CDK7: variants seen among roughly 807,000 people sequenced by gnomAD.
CDK7 encodes the protein cyclin-dependent kinase 7.
CDK7 carries 25 observed loss-of-function variants against 49.1 expected under a neutral mutation model. The ratio of observed to expected loss-of-function variants is 0.51; its 90% CI spans 0.37 to 0.71. The LOEUF (loss-of-function observed/expected upper bound fraction) is 0.71, where lower values mean the gene tolerates loss of function less well. CDK7 is among the 30% of genes least tolerant of loss of function. The pLI, the probability that CDK7 is intolerant of heterozygous loss-of-function variation, is 0.00. For missense variants in CDK7, 316 were observed against 411.7 expected (o/e 0.77, Z 2.01); for synonymous variants, 107 against 140.0 (o/e 0.76, Z 1.67).
intron 9 of CDK7, among the ~76,000 whole-genome samples, chr5:69,270,813 T>C (rs879359186): frequency 6.6e-6 from 1 of 152,230 alleles, no homozygotes; most frequent in Non-Finnish European, 1.5e-5. Context: ...ATTCTCTCTT[T>C]TGTTAACTGC....
chr5:69,265,344 G>GA lies in CDK7; in HGVS notation c.627+3051dup, dbSNP rs908618505. Among the ~76,000 whole-genome samples the GA allele has an allele frequency of 5.6e-3, 813 of 144,466 alleles. 7 individuals are homozygous for GA. The highest frequency in any genetic ancestry group is 0.016 in the Admixed American group (238 of 14,482). 94.8% of individuals were successfully genotyped at this position (144,466 alleles called of 152,430 possible). On this transcript the variant is annotated intron_variant, in intron 8 of 11. Transcript: ENST00000256443. ...AAAAAAAATTCTAAAGGCTCTGCAT[G>GA]AAAAAAAAAAACCTGTGCCAAGACA...
At chr5:69,250,661 G>C (rs542396496) in intron 2 of CDK7, 6 of 455,208 alleles carry the variant, frequency 1.3e-5, no homozygotes, top group Non-Finnish European at 2.2e-5. Context: ...AGCCCACCTG[G>C]TGCTCTTCCC....
chr5:69,243,063 T>C (rs1177694939), intron 2 of CDK7, among the ~76,000 whole-genome samples: 1 of 152,102 alleles, frequency 6.6e-6, no homozygotes. Flanking sequence ...AAAGCAAAGA[T>C]GGAGTCAGCT....
chr5:69,259,970 T>G, intron 7 of CDK7, 34 bp downstream of exon 7: 2 of 1,322,230 alleles, frequency 1.5e-6, no homozygotes, highest in South Asian at 1.2e-5. Flanking sequence ...GTGCAGGAGT[T>G]TGATCAGAAA....
intron 1 of CDK7, 88 bp from the exon 2 acceptor site, chr5:69,235,305 TG>T (rs1748885815): frequency 3.0e-6 from 3 of 1,014,036 alleles, no homozygotes; most frequent in Admixed American, 1.9e-5. Flanking sequence ...TCAGGAACTC[TG>T]GGCTCTTTGC....
At chr5:69,235,130 G>GTTT in intron 1 of CDK7, 89 bp downstream of exon 1, 1 of 1,287,682 alleles carries the variant, frequency 7.8e-7, no homozygotes, top group Non-Finnish European at 1.1e-6. Flanking sequence ...GAGGCCAGAG[G>GTTT]TCTGGCTTGG....
At chr5:69,243,334 C>CT (rs1403232647) in intron 2 of CDK7, among the ~76,000 whole-genome samples, 3 of 152,188 alleles carry the variant, frequency 2.0e-5, no homozygotes, top group Non-Finnish European at 4.4e-5. Flanking sequence ...AAGGCATCAA[C>CT]TTAAGTCTGT....
chr5:69,252,473 A>T, intron 3 of CDK7, 22 bp downstream of exon 3: 1 of 1,148,282 alleles, frequency 8.7e-7, no homozygotes. Context: ...ATGTAATCTG[A>T]CAGATAGGAA....
At chr5:69,270,945 G>GT (rs1326904789) in intron 9 of CDK7, among the ~76,000 whole-genome samples, 1 of 152,144 alleles carries the variant, frequency 6.6e-6, no homozygotes, top group East Asian at 1.9e-4. Flanking sequence ...TTTATGTACA[G>GT]TTTTTTATAT....
In CDK7 at chr5:69,277,194, A is replaced by G. The variant is rs1020674278; in HGVS notation, c.*59A>G. The G allele has an allele frequency of 1.6e-5, 20 of 1,263,132 alleles. No individual in the cohort carries two copies. The Admixed American group carries it at 2.9e-4, about 18-fold the overall frequency. 78.2% of individuals were successfully genotyped at this position (1,263,132 alleles called of 1,614,324 possible). A position where few individuals can be genotyped will look rare whatever the true frequency, so the allele number is the denominator to read the frequency against. ...AAATAGCCAAAAAGGCAAATAATGG[A>G]AAAATAGTAAACATTAAGTAAATGC... is the stretch of plus-strand genomic sequence containing the variant. On this transcript the variant is annotated 3_prime_UTR_variant, in exon 12 of 12. Coordinates refer to ENST00000256443, the MANE Select transcript of CDK7 (RefSeq NM_001799.4).
chr5:69,243,835 T>G (rs1297967509), intron 2 of CDK7, among the ~76,000 whole-genome samples: 3 of 132,342 alleles, frequency 2.3e-5, no homozygotes, highest in Non-Finnish European at 4.7e-5. Flanking sequence ...TGTTTTTTTT[T>G]TTTTTTTTTT....
intron 7 of CDK7, 79 bp from the exon 8 acceptor site, chr5:69,262,126 C>G: frequency 6.4e-7 from 1 of 1,573,854 alleles, no homozygotes; most frequent in South Asian, 1.1e-5. Flanking sequence ...AGAAAACAGA[C>G]AAGGATCGTT....
intron 7 of CDK7, 72 bp downstream of exon 7, chr5:69,260,008 T>C (rs1260203986): frequency 1.2e-5 from 11 of 945,824 alleles, no homozygotes; most frequent in Non-Finnish European, 1.9e-5. Context: ...CTCTGAACTA[T>C]CTTGGCAGAG....
At position 69,276,723 on chromosome 5, in the gene CDK7, A is replaced by G. The variant is rs762181320; in HGVS notation, c.1012+33A>G. 2.5e-6 allele frequency: 4 copies of G among 1,590,542 alleles called. No individual in the cohort carries two copies. The South Asian group carries it at 4.5e-5, about 18-fold the overall frequency. On this transcript the variant is annotated intron_variant, in intron 11 of 11. Transcript: ENST00000256443. The stretch of plus-strand genomic sequence containing the variant: ...TCCCACTTTTAAAAGAAATTAAATG[A>G]ATTTAGAAAACTCCAAATAGCTCGT...
intron 2 of CDK7, among the ~76,000 whole-genome samples, chr5:69,237,544 T>G (rs1199748428): frequency 6.6e-5 from 10 of 152,148 alleles, no homozygotes; most frequent in Non-Finnish European, 2.9e-5. Context: ...GTCATCGATG[T>G]GGCATTTGTC....
intron 3 of CDK7, among the ~76,000 whole-genome samples, chr5:69,252,770 A>G (rs1173613111): frequency 1.3e-5 from 2 of 152,124 alleles, no homozygotes; most frequent in African/African-American, 2.4e-5. Context: ...CGGCCTCCCA[A>G]AGTGCTGGGA....
At chr5:69,238,297 T>A (rs993217242) in intron 2 of CDK7, among the ~76,000 whole-genome samples, 35 of 151,858 alleles carry the variant, frequency 2.3e-4, no homozygotes, top group African/African-American at 8.5e-4. Flanking sequence ...TTTTTTTTTT[T>A]TTTGAGACAG....
At chr5:69,276,492 C>T (rs1215779671) in intron 10 of CDK7, 51 bp from the exon 11 acceptor site, 1 of 1,546,724 alleles carries the variant, frequency 6.5e-7, no homozygotes, top group Non-Finnish European at 8.9e-7. Context: ...TTTTCCTTAA[C>T]ACATTTCAGA....
intron 10 of CDK7, 84 bp downstream of exon 10, chr5:69,273,125 T>C (rs1176886041): frequency 1.0e-6 from 1 of 968,414 alleles, no homozygotes. Flanking sequence ...TTCATAAAAT[T>C]AACATTTTTT....
Sources: gnomAD v4.1 joint callset for allele counts (sites outside exome capture counted in the v4.1 genomes callset) on GRCh38, gnomAD v4.1.1 for gene constraint, MANE v1.5 for transcripts, NCBI Gene and HGNC (gene_info 2026-07-23, HGNC 2026-07-21) for gene names.